MARCO: variants seen among roughly 807,000 people sequenced by gnomAD.
MARCO encodes the protein macrophage receptor MARCO.
MARCO carries 72 observed loss-of-function variants against 70.0 expected under a neutral mutation model. That is an observed-to-expected ratio of 1.03 (90% CI 0.85 to 1.25). The LOEUF is 1.25. Among genes scored for constraint, MARCO ranks in the 50% most tolerant of loss-of-function variants. MARCO has a pLI of 0.00. For missense variants in MARCO, 696 were observed against 659.3 expected, an observed-to-expected ratio of 1.06 and a Z score of -0.61; for synonymous variants, 273 against 243.1, an observed-to-expected ratio of 1.12 and a Z score of -1.14.
chr2:118,971,272 C>T (rs1680165436), intron 3 of MARCO, among the ~76,000 whole-genome samples: 1 of 152,158 alleles, frequency 6.6e-6, no homozygotes, highest in South Asian at 2.1e-4. Context: ...ATCTACAGGT[C>T]TCGGGGTGCA....
rs61732822 is a variant in MARCO at position 118,994,490 on chromosome 2, G to A, written c.1533G>A (p.Glu511=). ...NSWGHHDCSH[E]EDAGVECSV ...GGGGCCATCATGACTGCAGCCACGA[G>A]GAGGACGCAGGCGTGGAGTGCAGCG... The change falls in exon 17 of 17, where the codon GAG becomes GAA. Residue 511 remains glutamate (E), a synonymous_variant. Transcript: ENST00000327097. 1 of 1,610,564 alleles carries A rather than the reference G, an allele frequency of 6.2e-7. No individual in the cohort carries two copies. The highest frequency in any genetic ancestry group is 1.3e-5 in the African/African-American group (1 of 74,878).
rs1175345296 is a variant in MARCO at position 118,970,148 on chromosome 2, G to T, written c.234G>T (p.Glu78Asp). The change falls in exon 3 of 17, where the codon GAG (glutamate) becomes GAT (aspartate). Residue 78 changes from glutamate (E) to aspartate (D), a missense_variant. Glu to Asp is a conservative substitution (Grantham distance 45). Transcript: ENST00000327097. ...LNLQARLRVLEMYFLNDTLAA... is the reference protein window; with the variant it reads ...LNLQARLRVLDMYFLNDTLAA... ...TGCAGGCGCGGCTCCGGGTCCTGGA[G>T]ATGTATTTCCTCAATGACACTCTGG... 4.3e-6 allele frequency: 7 copies of T among 1,614,022 alleles called. No homozygotes were observed. The Admixed American group carries it at 6.7e-5, about 15-fold the overall frequency.
intron 1 of MARCO, among the ~76,000 whole-genome samples, chr2:118,967,201 A>C (rs757125757): frequency 1.1e-4 from 16 of 152,216 alleles, no homozygotes; most frequent in Non-Finnish European, 2.2e-4. Flanking sequence ...AGCCCAGAGG[A>C]ACCAGAGAAG....
intron 1 of MARCO, among the ~76,000 whole-genome samples, chr2:118,955,335 A>G (rs1679815447): frequency 6.6e-6 from 1 of 152,160 alleles, no homozygotes; most frequent in African/African-American, 2.4e-5. Flanking sequence ...ATAGAATTGG[A>G]TAAGTAGAAG....
At chr2:118,968,642 C>T (rs916085652) in intron 1 of MARCO, among the ~76,000 whole-genome samples, 1 of 152,086 alleles carries the variant, frequency 6.6e-6, no homozygotes, top group South Asian at 2.1e-4. Context: ...ATATATCAAG[C>T]ATGTTTTACT....
rs1680687859 is a variant in MARCO at position 118,994,571 on chromosome 2, G to A, written c.*51G>A. 6.6e-7 allele frequency: 1 copy of A among 1,516,884 alleles called. No homozygotes were observed. Among genetic ancestry groups the A allele is most frequent in the East Asian group, 2.3e-5 (1 of 43,900 alleles). The allele number at this position is 1,516,884 out of a possible 1,614,324, so 94.0% of individuals were successfully genotyped here. Reference sequence around the variant, plus strand: ...TCCCGAGGTGTCCTCGGGCTCATATGTGGGAAGGCAGAGGATCTCTGAGGA... The same window carrying A: ...TCCCGAGGTGTCCTCGGGCTCATATATGGGAAGGCAGAGGATCTCTGAGGA... On this transcript the variant is annotated 3_prime_UTR_variant, in exon 17 of 17. Transcript: ENST00000327097.
intron 1 of MARCO, among the ~76,000 whole-genome samples, chr2:118,944,204 A>T (rs1679554223): frequency 6.6e-6 from 1 of 152,164 alleles, no homozygotes; most frequent in Non-Finnish European, 1.5e-5. Flanking sequence ...CCTGGGCAAC[A>T]TAGTGAGACC....
chr2:118,965,099 C>T (rs986833253), intron 1 of MARCO, among the ~76,000 whole-genome samples: 6 of 152,174 alleles, frequency 3.9e-5, no homozygotes, highest in African/African-American at 7.2e-5. Flanking sequence ...AGATCTTCCA[C>T]GAAATTAGGG....
chr2:118,972,496 C>T (rs895511453), intron 4 of MARCO, among the ~76,000 whole-genome samples: 1 of 152,114 alleles, frequency 6.6e-6, no homozygotes, highest in Non-Finnish European at 1.5e-5. Context: ...AACTGGGTGG[C>T]CTTGAGTAAG....
At chr2:118,994,239 C>T in intron 16 of MARCO, 148 bp from the exon 17 acceptor site, 1 of 784,212 alleles carries the variant, frequency 1.3e-6, no homozygotes, top group Admixed American at 2.3e-5. Flanking sequence ...GCTAAGCCAG[C>T]CATCAGCACA....
At chr2:118,947,240 T>G (rs997647551) in intron 1 of MARCO, among the ~76,000 whole-genome samples, 3 of 152,228 alleles carry the variant, frequency 2.0e-5, no homozygotes, top group African/African-American at 7.2e-5. Context: ...TCTTTAGCCC[T>G]TGTTGGTGAA....
At chr2:118,977,013 T>A (rs1277733415) in intron 6 of MARCO, among the ~76,000 whole-genome samples, 2 of 152,162 alleles carry the variant, frequency 1.3e-5, no homozygotes, top group Non-Finnish European at 2.9e-5. Context: ...GGGCCTTGTG[T>A]TGAGTCAAAA....
At chr2:118,969,011 G>A in intron 1 of MARCO, 149 bp from the exon 2 acceptor site, 1 of 635,280 alleles carries the variant, frequency 1.6e-6, no homozygotes, top group Non-Finnish European at 2.8e-6. Context: ...AGGATTGGGG[G>A]ATGATTTGGG....
intron 1 of MARCO, among the ~76,000 whole-genome samples, chr2:118,944,468 T>C (rs2104540599): frequency 6.6e-6 from 1 of 152,270 alleles, no homozygotes; most frequent in African/African-American, 2.4e-5. Context: ...CTGCTGAAGA[T>C]TTATTTATTT....
chr2:118,970,124 G>A lies in MARCO; in HGVS notation c.210G>A (p.Leu70=). 1 of 1,613,940 alleles carries A rather than the reference G, an allele frequency of 6.2e-7. No individual in the cohort carries two copies. The highest frequency in any genetic ancestry group is 2.2e-5 in the East Asian group (1 of 44,878). ...TGGGGTGGGGCCCAGTTCTGAATCTGCAGGCGCGGCTCCGGGTCCTGGAGA... is the reference window on the plus strand; with the variant it reads ...TGGGGTGGGGCCCAGTTCTGAATCTACAGGCGCGGCTCCGGGTCCTGGAGA... ...AGLLVVQVLN[L]QARLRVLEMY... The change falls in exon 3 of 17, where the codon CTG becomes CTA. Residue 70 remains leucine (L), a synonymous_variant. Coordinates refer to ENST00000327097, the MANE Select transcript of MARCO (RefSeq NM_006770.4).
At position 118,990,427 on chromosome 2, in the gene MARCO, C is replaced by G. The variant is rs115656739; in HGVS notation, c.1064-162C>G. On this transcript the variant is annotated intron_variant, in intron 12 of 16. Coordinates refer to ENST00000327097, the MANE Select transcript of MARCO (RefSeq NM_006770.4). ...GTTCTCATTCATCTGCAGACTGTCT[C>G]TTTTCATGATCTGCTGAAGAGGCTT... Among the ~76,000 whole-genome samples, 616 of 152,290 alleles carry G rather than the reference C, an allele frequency of 4.0e-3. 2 individuals carry two copies. Among genetic ancestry groups the G allele is most frequent in the African/African-American group, 0.014 (585 of 41,566 alleles).
chr2:118,993,258 C>T lies in MARCO; in HGVS notation c.1387C>T (p.Leu463=). ...NSDAIVFCRM[L]GYSKGRALYK... ...TGATGCCATTGTCTTCTGCCGCATG[C>T]TGGGTTACTCCAAAGGAAGGGCCCT... Residue 463 remains leucine, a synonymous_variant, in exon 16 of 17, where the codon CTG becomes TTG. Coordinates refer to ENST00000327097, the MANE Select transcript of MARCO (RefSeq NM_006770.4). 6.2e-7 allele frequency: 1 copy of T among 1,614,160 alleles called. No individual in the cohort carries two copies. Among genetic ancestry groups the T allele is most frequent in the Non-Finnish European group, 8.5e-7 (1 of 1,180,028 alleles).
At chr2:118,969,040 T>C (rs901668167) in intron 1 of MARCO, 120 bp from the exon 2 acceptor site, 2 of 710,978 alleles carry the variant, frequency 2.8e-6, no homozygotes, top group East Asian at 5.0e-5. Context: ...GCTTTTGGTG[T>C]CTTTCCCAGC....
At chr2:118,975,739 CACAT>C (rs1046566625) in intron 6 of MARCO, among the ~76,000 whole-genome samples, 40 of 152,192 alleles carry the variant, frequency 2.6e-4, no homozygotes, top group African/African-American at 9.2e-4. Flanking sequence ...CACATGCACT[CACAT>C]ACACACATAT....
Sources: allele counts gnomAD v4.1 joint callset (sites outside exome capture counted in the v4.1 genomes callset), GRCh38; gene constraint gnomAD v4.1.1; transcripts MANE v1.5; gene names NCBI Gene and HGNC (gene_info 2026-07-23, HGNC 2026-07-21).